PDLIM5: variants seen among roughly 807,000 people sequenced by gnomAD.
PDLIM5 encodes the protein PDZ and LIM domain 5, also known as PDZ and LIM domain protein 5.
Under a neutral mutation model 64.2 loss-of-function variants are expected in PDLIM5, and 34 were observed. The observed-to-expected ratio is 0.53, with a 90% confidence interval of 0.40 to 0.71. The LOEUF is 0.71. Ranked by LOEUF, PDLIM5 falls within the 30% of genes least tolerant of loss-of-function variation. The probability of loss-of-function intolerance (pLI) is 0.00; values close to 1 mark genes in which losing one functional copy is unlikely to be tolerated. For missense variants in PDLIM5, 683 were observed against 733.6 expected, an observed-to-expected ratio of 0.93 and a Z score of 0.80; for synonymous variants, 253 against 269.1, an observed-to-expected ratio of 0.94 and a Z score of 0.59.
chr4:94,461,295 T>A (rs1395641251), intron 2 of PDLIM5, among the ~76,000 whole-genome samples: 1 of 152,110 alleles, frequency 6.6e-6, no homozygotes. Flanking sequence ...AAACTAGATA[T>A]TAGCATGTGA....
chr4:94,610,230 T>C, intron 7 of PDLIM5: 3 of 1,515,872 alleles, frequency 2.0e-6, no homozygotes, highest in Non-Finnish European at 2.7e-6. Flanking sequence ...CCTTCTCTTC[T>C]CCTGCTAGAT....
In PDLIM5 at chr4:94,564,341, C is replaced by G. The variant is rs191085336; in HGVS notation, c.249-9010C>G. Among the ~76,000 whole-genome samples the G allele has an allele frequency of 3.9e-4, 59 of 152,264 alleles. No individual in the cohort carries two copies. The East Asian group carries it at 0.011, about 28-fold the overall frequency. The stretch of plus-strand genomic sequence containing the variant: ...TTCATGTACTTTATGTGTTCTGCCC[C>G]CAGCCATCTCTGCAGCTTTATCTCT... On this transcript the variant is annotated intron_variant, in intron 3 of 12. Transcript: ENST00000317968.
chr4:94,482,805 C>T (rs1023976503), intron 2 of PDLIM5, among the ~76,000 whole-genome samples: 2 of 152,128 alleles, frequency 1.3e-5, no homozygotes, highest in Admixed American at 1.3e-4. Flanking sequence ...AGGAGAATCA[C>T]TTGGGCCCAG....
In PDLIM5 at chr4:94,666,094, C is replaced by T. The variant is rs571864475; in HGVS notation, c.*2027C>T. On this transcript the variant is annotated 3_prime_UTR_variant, in exon 13 of 13. Transcript: ENST00000317968. ...GTTTGGGGCAAGGTGATTTTATAGT[C>T]GAGACAGAGCCCTAGGTCCTTCCTG... 57 of 1,334,842 alleles carry T rather than the reference C, an allele frequency of 4.3e-5. 1 individual carries two copies. Among genetic ancestry groups the T allele is most frequent in the Admixed American group, 2.9e-4 (14 of 48,996 alleles). The allele number at this position is 1,334,842 out of a possible 1,614,324, so 82.7% of individuals were successfully genotyped here.
At chr4:94,522,083 A>G (rs1729878343) in intron 2 of PDLIM5, among the ~76,000 whole-genome samples, 1 of 152,212 alleles carries the variant, frequency 6.6e-6, no homozygotes, top group African/African-American at 2.4e-5. Context: ...CAGGGACCTT[A>G]GAAGGCCTCT....
chr4:94,590,935 A>G (rs558841833), intron 7 of PDLIM5, among the ~76,000 whole-genome samples: 1 of 152,164 alleles, frequency 6.6e-6, no homozygotes, highest in Non-Finnish European at 1.5e-5. Flanking sequence ...GTGCTCATCT[A>G]GTTGGTACCA....
intron 9 of PDLIM5, among the ~76,000 whole-genome samples, chr4:94,648,066 A>G (rs781252376): frequency 5.9e-5 from 9 of 152,194 alleles, no homozygotes; most frequent in Non-Finnish European, 1.2e-4. Flanking sequence ...AGAAGGAAGA[A>G]TCATCTCAAA....
At position 94,575,810 on chromosome 4, in the gene PDLIM5, C is replaced by T. The variant is rs370388744; in HGVS notation, c.486C>T (p.Ser162=). Reference sequence around the variant, plus strand: ...ATGCGACCACCTCATCACATGCTTCCCCTTCACCCGTGGCTGCCGTCACTC... The same window carrying T: ...ATGCGACCACCTCATCACATGCTTCTCCTTCACCCGTGGCTGCCGTCACTC... ...PAHATTSSHA[S]PSPVAAVTPP... The change falls in exon 5 of 13, where the codon TCC becomes TCT. Residue 162 remains serine, a synonymous_variant. Transcript: ENST00000317968. 50 of 1,614,006 alleles carry T rather than the reference C, an allele frequency of 3.1e-5. No individual in the cohort carries two copies. Among genetic ancestry groups the T allele is most frequent in the Non-Finnish European group, 1.7e-6 (2 of 1,180,010 alleles).
At chr4:94,558,904 G>A (rs1578373516) in intron 3 of PDLIM5, among the ~76,000 whole-genome samples, 1 of 152,012 alleles carries the variant, frequency 6.6e-6, no homozygotes, top group Admixed American at 6.6e-5. Flanking sequence ...ATAAAACCAT[G>A]TGTTGGGTTA....
Position 94,666,844 on chromosome 4 carries a change from C to T in PDLIM5, c.*2777C>T, listed in dbSNP as rs1173955168. Reference sequence around the variant, plus strand: ...GTCTTTGTGCTTTGTCCATCTCTTCCGTGGCGAAGCTTTATATCTGTTCCT... The same window carrying T: ...GTCTTTGTGCTTTGTCCATCTCTTCTGTGGCGAAGCTTTATATCTGTTCCT... On this transcript the variant is annotated 3_prime_UTR_variant, in exon 13 of 13. Transcript: ENST00000317968. 1.3e-5 allele frequency: 2 copies of T among 152,074 alleles called. No homozygotes were observed. The highest frequency in any genetic ancestry group is 2.1e-4 in the South Asian group (1 of 4,818). 9.4% of individuals were successfully genotyped at this position (152,074 alleles called of 1,614,324 possible).
At chr4:94,521,016 G>A (rs1464522853) in intron 2 of PDLIM5, among the ~76,000 whole-genome samples, 2 of 152,294 alleles carry the variant, frequency 1.3e-5, no homozygotes, top group East Asian at 1.9e-4. Flanking sequence ...AGTTGTGAAA[G>A]TTTTAGAAAA....
At chr4:94,454,316 A>G (rs1723128308) in intron 1 of PDLIM5, among the ~76,000 whole-genome samples, 1 of 152,002 alleles carries the variant, frequency 6.6e-6, no homozygotes, top group Non-Finnish European at 1.5e-5. Flanking sequence ...AACCAATAGG[A>G]AACTCGAAGT....
chr4:94,542,830 G>C (rs1356383714), intron 3 of PDLIM5, among the ~76,000 whole-genome samples: 1 of 152,022 alleles, frequency 6.6e-6, no homozygotes, highest in Non-Finnish European at 1.5e-5. Context: ...AAATAAATGA[G>C]AAAAATTATT....
chr4:94,621,450 C>T (rs1739234103), intron 8 of PDLIM5, among the ~76,000 whole-genome samples: 1 of 152,020 alleles, frequency 6.6e-6, no homozygotes, highest in African/African-American at 2.4e-5. Context: ...CAGAAAAATG[C>T]TATTGGTATG....
At chr4:94,494,020 T>C (rs1433749182) in intron 2 of PDLIM5, among the ~76,000 whole-genome samples, 2 of 152,106 alleles carry the variant, frequency 1.3e-5, no homozygotes, top group African/African-American at 4.8e-5. Context: ...AGTGCAGTGG[T>C]GTAATTGTAG....
intron 5 of PDLIM5, chr4:94,582,658 A>G (rs371780792): frequency 2.0e-5 from 22 of 1,073,762 alleles, no homozygotes; most frequent in Middle Eastern, 4.0e-4. Context: ...CTTCCGGGGA[A>G]CATCAATGTC....
intron 2 of PDLIM5, chr4:94,456,493 T>C: frequency 1.4e-6 from 1 of 703,494 alleles, no homozygotes. Flanking sequence ...CCACCGTGCC[T>C]GGCCCACACT....
chr4:94,489,149 C>T (rs1041377176), intron 2 of PDLIM5: 6 of 152,072 alleles, frequency 3.9e-5, no homozygotes, highest in South Asian at 2.1e-4. Context: ...GTATATGGGC[C>T]GTCTTTAATA....
chr4:94,461,258 A>G (rs911016338), intron 2 of PDLIM5, among the ~76,000 whole-genome samples: 1 of 152,242 alleles, frequency 6.6e-6, no homozygotes, highest in Admixed American at 6.5e-5. Flanking sequence ...TGCAAAAAAT[A>G]TTGAGTACGT....
Sources: allele counts gnomAD v4.1 joint callset (sites outside exome capture counted in the v4.1 genomes callset), GRCh38; gene constraint gnomAD v4.1.1; transcripts MANE v1.5; gene names NCBI Gene and HGNC (gene_info 2026-07-23, HGNC 2026-07-21).